Variants in PRR16 observed in about 807,000 individuals in gnomAD.
PRR16 encodes the protein protein Largen.
PRR16 carries 6 observed loss-of-function variants against 18.2 expected under a neutral mutation model. That is an observed-to-expected ratio of 0.33 (90% CI 0.18 to 0.65). The LOEUF is 0.65. Among genes scored for constraint, PRR16 ranks in the 30% least tolerant of loss-of-function variants. The pLI is 0.74. For synonymous variants in PRR16, 151 were observed against 147.8 expected, an observed-to-expected ratio of 1.02 and a Z score of -0.16; for missense variants, 412 against 376.6, an observed-to-expected ratio of 1.09 and a Z score of -0.78.
intron 1 of PRR16, among the ~76,000 whole-genome samples, chr5:120,589,306 A>G (rs1753554503): frequency 6.6e-6 from 1 of 152,126 alleles, no homozygotes; most frequent in Admixed American, 6.6e-5. Context: ...ACCTCTGCGG[A>G]TGCCACTCTC....
At chr5:120,575,984 G>C (rs1403886995) in intron 1 of PRR16, among the ~76,000 whole-genome samples, 1 of 152,138 alleles carries the variant, frequency 6.6e-6, no homozygotes, top group Non-Finnish European at 1.5e-5. Context: ...TGCAGAAGAA[G>C]GCAGTTAGAC....
At chr5:120,608,310 T>C (rs1447689154) in intron 1 of PRR16, among the ~76,000 whole-genome samples, 1 of 152,172 alleles carries the variant, frequency 6.6e-6, no homozygotes, top group Admixed American at 6.5e-5. Context: ...AGTGTGCTAC[T>C]TATGTAAAAC....
chr5:120,697,007 G>A, the PRR16 span, among the ~76,000 whole-genome samples: 1 of 152,064 alleles, frequency 6.6e-6, no homozygotes, highest in African/African-American at 2.4e-5. Context: ...TTAAATTAAT[G>A]TATGAAGATT....
the PRR16 span, among the ~76,000 whole-genome samples, chr5:120,724,287 G>A: frequency 6.6e-6 from 1 of 151,914 alleles, no homozygotes; most frequent in African/African-American, 2.4e-5. Context: ...GATTAAGAAC[G>A]CAGGACCTGC....
At chr5:120,527,833 T>A (rs1211574058) in intron 1 of PRR16, among the ~76,000 whole-genome samples, 3 of 152,166 alleles carry the variant, frequency 2.0e-5, no homozygotes, top group African/African-American at 7.2e-5. Context: ...CAAATGATGC[T>A]CATCTCAGTT....
At chr5:120,665,941 G>C (rs564133861) in intron 1 of PRR16, among the ~76,000 whole-genome samples, 178 of 152,228 alleles carry the variant, frequency 1.2e-3, no homozygotes, top group African/African-American at 4.0e-3. Context: ...GGCAATGTGG[G>C]CTCTTTTTTG....
intron 1 of PRR16, among the ~76,000 whole-genome samples, chr5:120,664,172 G>A (rs1217872860): frequency 6.6e-6 from 1 of 151,968 alleles, no homozygotes; most frequent in Non-Finnish European, 1.5e-5. Context: ...GGTGGCAGAT[G>A]CGTGTAATCC....
the PRR16 span, among the ~76,000 whole-genome samples, chr5:120,720,624 C>A: frequency 6.6e-6 from 1 of 151,928 alleles, no homozygotes; most frequent in Non-Finnish European, 1.5e-5. Flanking sequence ...CTCTTTCCTA[C>A]TTTTTGATGA....
At chr5:120,654,495 T>C (rs1407463819) in intron 1 of PRR16, among the ~76,000 whole-genome samples, 5 of 151,652 alleles carry the variant, frequency 3.3e-5, no homozygotes, top group Non-Finnish European at 5.9e-5. Context: ...TTTAACTTGG[T>C]TAAATATAAA....
the PRR16 span, among the ~76,000 whole-genome samples, chr5:120,693,868 T>C: frequency 6.6e-6 from 1 of 152,256 alleles, no homozygotes; most frequent in African/African-American, 2.4e-5. Flanking sequence ...TACCCCTGCT[T>C]AATTTTATCT....
intron 1 of PRR16, among the ~76,000 whole-genome samples, chr5:120,629,906 A>G (rs1166842843): frequency 2.0e-5 from 3 of 152,058 alleles, no homozygotes; most frequent in Non-Finnish European, 4.4e-5. Context: ...AAAATCAGCT[A>G]TCAGCACAAT....
chr5:120,615,445 T>G (rs1162916995), intron 1 of PRR16, among the ~76,000 whole-genome samples: 1 of 149,732 alleles, frequency 6.7e-6, no homozygotes, highest in East Asian at 2.0e-4. Flanking sequence ...GATACAGAGA[T>G]ATGTAATTTC....
chr5:120,608,031 G>T (rs965863335), intron 1 of PRR16, among the ~76,000 whole-genome samples: 7 of 152,152 alleles, frequency 4.6e-5, no homozygotes, highest in Non-Finnish European at 8.8e-5. Context: ...TCACAGGCAT[G>T]CAGGCAATGG....
At chr5:120,576,961 C>T (rs571345312) in intron 1 of PRR16, among the ~76,000 whole-genome samples, 1 of 152,088 alleles carries the variant, frequency 6.6e-6, no homozygotes, top group East Asian at 1.9e-4. Context: ...CACATATACA[C>T]ATATATATGT....
chr5:120,676,107 G>A (rs1156649902), intron 1 of PRR16, among the ~76,000 whole-genome samples: 1 of 151,724 alleles, frequency 6.6e-6, no homozygotes, highest in Non-Finnish European at 1.5e-5. Flanking sequence ...CCTCTGTGTG[G>A]GTGTGTGTAT....
chr5:120,507,172 C>A (rs1427480587), intron 1 of PRR16, among the ~76,000 whole-genome samples: 1 of 152,050 alleles, frequency 6.6e-6, no homozygotes, highest in Admixed American at 6.6e-5. Flanking sequence ...CATAAGGGCA[C>A]CATCCCTTGC....
chr5:120,555,647 C>T (rs1752384337), intron 1 of PRR16, among the ~76,000 whole-genome samples: 1 of 151,762 alleles, frequency 6.6e-6, no homozygotes, highest in Non-Finnish European at 1.5e-5. Context: ...CCCAAAGATC[C>T]CACTTCCAAA....
chr5:120,679,500 T>G (rs1756906705), intron 1 of PRR16, among the ~76,000 whole-genome samples: 4 of 152,176 alleles, frequency 2.6e-5, no homozygotes, highest in Admixed American at 2.6e-4. Flanking sequence ...GGATTCCTTT[T>G]CTAGGTGATT....
rs1185362850 is a variant in PRR16, at chr5:120,490,840, G to A, written c.159+26195G>A. Among the ~76,000 whole-genome samples the A allele has an allele frequency of 2.0e-5, 3 of 152,110 alleles. 1 individual carries two copies. The highest frequency in any genetic ancestry group is 4.4e-5 in the Non-Finnish European group (3 of 68,006). ...ATACAGATGGGGTTTTGGTGTGGAT[G>A]TCCTTTCTGTTTGTTAGTTTTCCTT... On this transcript the variant is annotated intron_variant, in intron 1 of 1. Coordinates refer to ENST00000407149, the MANE Select transcript of PRR16 (RefSeq NM_001300783.2).
Sources: allele counts gnomAD v4.1 joint callset (sites outside exome capture counted in the v4.1 genomes callset), GRCh38; gene constraint gnomAD v4.1.1; transcripts MANE v1.5; gene names NCBI Gene and HGNC (gene_info 2026-07-23, HGNC 2026-07-21).